ZBED6: variants seen among roughly 807,000 people sequenced by gnomAD.
The protein encoded by ZBED6 is zinc finger BED-type containing 6.
In ZBED6, 40 loss-of-function variants were observed where a neutral mutation model predicts 58.4. The observed-to-expected ratio is 0.68, with a 90% CI of 0.53 to 0.89. The LOEUF (loss-of-function observed/expected upper bound fraction) is 0.89. ZBED6 is among the 40% of genes least tolerant of loss of function. ZBED6 has a pLI of 0.00. For synonymous variants in ZBED6, 439 were observed against 350.6 expected (o/e 1.25, Z -2.82); for missense variants, 1,057 against 1,003.9 (o/e 1.05, Z -0.71).
chr1:203,823,404 A>C (rs1679419417), intron 3 of ZBED6, among the ~76,000 whole-genome samples: 1 of 152,218 alleles, frequency 6.6e-6, no homozygotes, highest in African/African-American at 2.4e-5. Flanking sequence ...GAGACTCAGC[A>C]TCCAGGATTT....
At chr1:203,799,797 C>A in exon 1 of ZBED6, 1 of 1,275,516 alleles carries the variant, frequency 7.8e-7, no homozygotes, top group Non-Finnish European at 1.1e-6. Context: ...AAGTGCCATG[C>A]TTAAATCCAA....
At chr1:203,799,747 T>G (rs1423783258) in exon 1 of ZBED6, 1 of 818,700 alleles carries the variant, frequency 1.2e-6, no homozygotes, top group Admixed American at 2.0e-5. Context: ...CTCAATCTGG[T>G]GGATAGTTTA....
At chr1:203,834,070 C>T (rs1175900438) in intron 9 of ZBED6, 1 of 1,216,808 alleles carries the variant, frequency 8.2e-7, no homozygotes, top group Non-Finnish European at 1.0e-6. Context: ...TGACCATGAC[C>T]AGCGTTTTGG....
rs1210806012 is a variant in ZBED6 at position 203,798,017 on chromosome 1, C to T, written c.495C>T (p.Ser165=). 9 of 1,532,646 alleles carry T rather than the reference C, an allele frequency of 5.9e-6. No individual in the cohort carries two copies. The Admixed American group carries it at 5.9e-5, about 10-fold the overall frequency. The allele number at this position is 1,532,646 out of a possible 1,614,324, so 94.9% of individuals were successfully genotyped here. ...GCGTCAGCAGGGGTAAACCAGGTAGCCATCTTGGTACATCTACTCTTCAAC... is the reference window on the plus strand; with the variant it reads ...GCGTCAGCAGGGGTAAACCAGGTAGTCATCTTGGTACATCTACTCTTCAAC... The change falls in exon 1 of 17, where the codon AGC becomes AGT. Residue 165 remains serine, a synonymous_variant. Transcript: ENST00000550078.
exon 1 of ZBED6, chr1:203,799,672 A>T: frequency 1.4e-6 from 1 of 706,660 alleles, no homozygotes; most frequent in East Asian, 2.7e-5. Flanking sequence ...CCCCTAATCC[A>T]TCATCTACTC....
chr1:203,849,755 C>T (rs751666098), exon 14 of ZBED6: 2 of 1,613,860 alleles, frequency 1.2e-6, no homozygotes, highest in South Asian at 2.2e-5. Context: ...AAATTCAAGT[C>T]AAGAGATGTG....
chr1:203,828,256 A>G (rs36111209), intron 3 of ZBED6, 43 bp from the exon 4 acceptor site: 206,454 of 1,610,912 alleles, frequency 0.13, 14,807 homozygotes, highest in Non-Finnish European at 0.14. Context: ...GAATATACGT[A>G]TCACTGTTTT....
chr1:203,842,924 CTTTT>C (rs35820616), intron 11 of ZBED6, among the ~76,000 whole-genome samples: 3 of 146,712 alleles, frequency 2.0e-5, no homozygotes, highest in Admixed American at 6.8e-5. Context: ...AGCCTTCCGT[CTTTT>C]TTTTTTTAAT....
chr1:203,818,412 C>G (rs1395391690), intron 2 of ZBED6, among the ~76,000 whole-genome samples, 158 bp from the exon 3 acceptor site: 1 of 151,988 alleles, frequency 6.6e-6, no homozygotes. Context: ...ATTTGTTGCT[C>G]TCGGTTTGTT....
chr1:203,800,195 G>GC lies in ZBED6; in HGVS notation c.2673_2674insC (p.Ile892HisfsTer21). On this transcript the variant is annotated frameshift_variant, in exon 1 of 17. Coordinates refer to ENST00000550078, the Ensembl canonical transcript of ZBED6. LOFTEE classifies it high-confidence loss of function. ...ACCCTTTAATTTACTGGCAGAGGAA[G>GC]ATAAGCATATGGCCGGCTTTGACCC... 1 of 1,516,080 alleles carries GC rather than the reference G, an allele frequency of 6.6e-7. No individual in the cohort carries two copies. Among genetic ancestry groups the GC allele is most frequent in the South Asian group, 1.2e-5 (1 of 83,652 alleles). The allele number at this position is 1,516,080 out of a possible 1,614,324, so 93.9% of individuals were successfully genotyped here. A position where few individuals can be genotyped will look rare whatever the true frequency, so the allele number is the denominator to read the frequency against.
At chr1:203,853,021 CA>C (rs1275910384) in exon 17 of ZBED6, 5 of 152,560 alleles carry the variant, frequency 3.3e-5, no homozygotes, top group Non-Finnish European at 7.3e-5. Context: ...CTCTGAAGAG[CA>C]ATATCTAATT....
chr1:203,828,544 TTACAG>T, intron 4 of ZBED6, 122 bp downstream of exon 4: 3 of 1,252,552 alleles, frequency 2.4e-6, no homozygotes, highest in Non-Finnish European at 2.2e-6. Flanking sequence ...TATTTCCACT[TTACAG>T]ATAAGTGAAC....
intron 11 of ZBED6, among the ~76,000 whole-genome samples, chr1:203,844,902 A>G (rs1161519524): frequency 6.6e-6 from 1 of 151,942 alleles, no homozygotes; most frequent in South Asian, 2.1e-4. Flanking sequence ...TCCAGCCCCA[A>G]CATCTTCATA....
chr1:203,801,265 A>G (rs749224460), exon 1 of ZBED6: 7 of 152,190 alleles, frequency 4.6e-5, no homozygotes, highest in Non-Finnish European at 8.8e-5. Flanking sequence ...ACATTTCCCA[A>G]AGATTGTTTC....
At chr1:203,806,149 G>A (rs369277917) in intron 1 of ZBED6, 139 of 503,182 alleles carry the variant, frequency 2.8e-4, no homozygotes, top group African/African-American at 2.6e-3. Flanking sequence ...CACTAGCTCA[G>A]CATCCAATCT....
At chr1:203,834,232 T>A in intron 9 of ZBED6, 1 of 292,106 alleles carries the variant, frequency 3.4e-6, no homozygotes, top group Non-Finnish European at 5.1e-6. Context: ...AAAGTATGTA[T>A]ATATAAAATT....
rs77585755 is a variant in ZBED6, at chr1:203,798,675, G to A, written c.1153G>A (p.Val385Ile). ...AAACAGATCTGAAAGTCCTATTCCC[G>A]TTGCAGAGCAAGGCACTCTGATGCG... Residue 385 changes from valine to isoleucine, a missense_variant, in exon 1 of 17, where the codon GTT becomes ATT. Val to Ile is a conservative substitution (Grantham distance 29). Coordinates refer to ENST00000550078, the Ensembl canonical transcript of ZBED6. 5,478 of 1,536,098 alleles carry A rather than the reference G, an allele frequency of 3.6e-3. 22 individuals carry two copies. Among genetic ancestry groups the A allele is most frequent in the Non-Finnish European group, 4.4e-3 (5,086 of 1,146,906 alleles).
intron 16 of ZBED6, among the ~76,000 whole-genome samples, chr1:203,851,702 C>CA (rs77515958): frequency 0.06 from 9,135 of 152,020 alleles, 809 homozygotes; most frequent in East Asian, 0.4. Context: ...GCGGCTTATG[C>CA]CTGTAATCCC....
chr1:203,829,101 T>C (rs1397590985), intron 4 of ZBED6, among the ~76,000 whole-genome samples: 4 of 152,200 alleles, frequency 2.6e-5, no homozygotes, highest in Non-Finnish European at 5.9e-5. Context: ...CAAGTAAGTG[T>C]CATATGCTTG....
Sources: allele counts gnomAD v4.1 joint callset (sites outside exome capture counted in the v4.1 genomes callset), GRCh38; gene constraint gnomAD v4.1.1; transcripts MANE v1.5; gene names NCBI Gene and HGNC (gene_info 2026-07-23, HGNC 2026-07-21).